PIK3R3: variants seen among roughly 807,000 people sequenced by gnomAD.
PIK3R3 encodes the protein phosphatidylinositol 3-kinase regulatory subunit gamma.
Under a neutral mutation model 62.9 loss-of-function variants are expected in PIK3R3, and 64 were observed. The observed-to-expected ratio is 1.02, with a 90% CI of 0.83 to 1.25. The LOEUF is 1.25. Among genes scored for constraint, PIK3R3 ranks in the 50% most tolerant of loss-of-function variants. The pLI is 0.00. For synonymous variants in PIK3R3, 165 were observed against 189.0 expected (o/e 0.87, Z 1.04); for missense variants, 614 against 561.6 (o/e 1.09, Z -0.94).
intron 3 of PIK3R3, among the ~76,000 whole-genome samples, chr1:46,068,576 C>T (rs1649212375): frequency 6.6e-6 from 1 of 152,186 alleles, no homozygotes; most frequent in African/African-American, 2.4e-5. Flanking sequence ...ATTGTTTGTA[C>T]TGCTCAAGGA....
chr1:46,171,554 G>C, the PIK3R3 span, among the ~76,000 whole-genome samples: 11 of 152,254 alleles, frequency 7.2e-5, no homozygotes, highest in South Asian at 2.3e-3. Context: ...TGGGGTGACC[G>C]GTATTGCATT....
intron 1 of PIK3R3, among the ~76,000 whole-genome samples, chr1:46,083,028 G>A (rs964475843): frequency 8.5e-5 from 13 of 152,118 alleles, no homozygotes; most frequent in Admixed American, 2.6e-4. Flanking sequence ...GCAGTGAGCC[G>A]AGATTGCACC....
intron 5 of PIK3R3, among the ~76,000 whole-genome samples, 174 bp downstream of exon 5, chr1:46,065,880 T>A (rs2149395870): frequency 6.6e-6 from 1 of 152,344 alleles, no homozygotes; most frequent in South Asian, 2.1e-4. Context: ...CTGATACAAA[T>A]TATATCCTTA....
the PIK3R3 span, among the ~76,000 whole-genome samples, chr1:46,174,069 T>C: frequency 6.6e-6 from 1 of 152,162 alleles, no homozygotes. Context: ...CTGTGTTCAT[T>C]TAGAGGCATG....
intron 1 of PIK3R3, among the ~76,000 whole-genome samples, chr1:46,114,293 T>TA (rs1653987736): frequency 6.6e-6 from 1 of 152,132 alleles, no homozygotes; most frequent in South Asian, 2.1e-4. Context: ...AGTTCTTACC[T>TA]AAATAAGAGG....
chr1:46,139,348 C>T, the PIK3R3 span, among the ~76,000 whole-genome samples: 3 of 152,002 alleles, frequency 2.0e-5, no homozygotes, highest in South Asian at 6.2e-4. Flanking sequence ...TCTTGCTGCC[C>T]AGGCTGGAGT....
chr1:46,084,798 A>G (rs1039035528), intron 1 of PIK3R3, among the ~76,000 whole-genome samples: 6 of 152,250 alleles, frequency 3.9e-5, no homozygotes, highest in African/African-American at 1.4e-4. Flanking sequence ...ACAGAAACCC[A>G]GCAAAAGGGA....
At position 46,066,990 on chromosome 1, in the gene PIK3R3, T is replaced by G; in HGVS notation, c.416A>C (p.His139Pro). 6.2e-7 allele frequency: 1 copy of G among 1,610,506 alleles called. No individual in the cohort carries two copies. The highest frequency in any genetic ancestry group is 1.3e-5 in the African/African-American group (1 of 74,624). Residue 139 changes from histidine to proline, a missense_variant, in exon 4 of 10, where the codon CAC becomes CCC. His to Pro is a moderately conservative substitution (Grantham distance 77, BLOSUM62 -2). Coordinates refer to ENST00000262741, the MANE Select transcript of PIK3R3 (RefSeq NM_003629.4). Reference sequence around the variant, plus strand: ...CTGAGCAAGAGATTCATGGTGATAGTGGTTAATGAGCTCCACCACGGAATT... The same window carrying G: ...CTGAGCAAGAGATTCATGGTGATAGGGGTTAATGAGCTCCACCACGGAATT... Reference protein sequence around the residue: ...TFNSVVELINHYHHESLAQYN... With the variant: ...TFNSVVELINPYHHESLAQYN...
chr1:46,065,546 T>C (rs1648909861), intron 5 of PIK3R3, among the ~76,000 whole-genome samples: 1 of 152,220 alleles, frequency 6.6e-6, no homozygotes, highest in African/African-American at 2.4e-5. Flanking sequence ...TAGCTAGGTA[T>C]GCCCATGTGA....
intron 3 of PIK3R3, among the ~76,000 whole-genome samples, chr1:46,075,600 A>G (rs1003842189): frequency 2.6e-5 from 4 of 151,804 alleles, no homozygotes; most frequent in African/African-American, 7.3e-5. Context: ...CCAGCCTAGG[A>G]GACAGAGCAA....
the PIK3R3 span, among the ~76,000 whole-genome samples, chr1:46,153,170 T>C: frequency 6.6e-6 from 1 of 152,202 alleles, no homozygotes; most frequent in Non-Finnish European, 1.5e-5. Context: ...TTCAAAATAA[T>C]TCAAAATATA....
chr1:46,097,974 C>T (rs961276688), intron 1 of PIK3R3, among the ~76,000 whole-genome samples: 5 of 150,722 alleles, frequency 3.3e-5, no homozygotes, highest in African/African-American at 7.3e-5. Context: ...AGGAAAATGA[C>T]GATCTCTATT....
At chr1:46,084,990 A>G (rs1238187777) in intron 1 of PIK3R3, among the ~76,000 whole-genome samples, 3 of 152,136 alleles carry the variant, frequency 2.0e-5, no homozygotes, top group Non-Finnish European at 4.4e-5. Flanking sequence ...CTATATTGAG[A>G]TGAGTTGAGC....
chr1:46,096,986 CAA>C (rs889318751), intron 1 of PIK3R3, among the ~76,000 whole-genome samples: 2 of 132,750 alleles, frequency 1.5e-5, no homozygotes, highest in Non-Finnish European at 1.7e-5. Context: ...AGAAAACAAA[CAA>C]AAAAAAAAAA....
At chr1:46,059,038 T>C (rs1648217943) in intron 6 of PIK3R3, among the ~76,000 whole-genome samples, 1 of 152,214 alleles carries the variant, frequency 6.6e-6, no homozygotes, top group Non-Finnish European at 1.5e-5. Context: ...ATGGAGGCGG[T>C]TTCCCCACTA....
rs561018531 is a variant in PIK3R3, at chr1:46,055,543, A to AGCCAGCCTC, written c.941+243_941+251dup. On this transcript the variant is annotated intron_variant, in intron 7 of 9. Transcript: ENST00000262741. ...AGATATAGCATTTTACTCATGCCACAGCCAGCCTCTGAGATTTCCAAGGCA... is the reference window on the plus strand; with the variant it reads ...AGATATAGCATTTTACTCATGCCACAGCCAGCCTCGCCAGCCTCTGAGATTTCCAAGGCA... Among the ~76,000 whole-genome samples the AGCCAGCCTC allele has an allele frequency of 1.8e-4, 27 of 152,354 alleles. No individual in the cohort carries two copies. In the South Asian group the frequency reaches 5.4e-3, roughly 30 times the overall value.
intron 1 of PIK3R3, among the ~76,000 whole-genome samples, chr1:46,120,255 C>T (rs1195166756): frequency 6.6e-6 from 1 of 152,188 alleles, no homozygotes; most frequent in Non-Finnish European, 1.5e-5. Flanking sequence ...TAACTCAATA[C>T]TATGTGACCC....
At chr1:46,158,704 G>GAGA in the PIK3R3 span, among the ~76,000 whole-genome samples, 1 of 152,192 alleles carries the variant, frequency 6.6e-6, no homozygotes, top group South Asian at 2.1e-4. Context: ...TCATGAGTCA[G>GAGA]AGAAACAGAA....
At chr1:46,102,841 A>G (rs915375070) in intron 1 of PIK3R3, among the ~76,000 whole-genome samples, 1 of 148,154 alleles carries the variant, frequency 6.7e-6, no homozygotes, top group South Asian at 2.2e-4. Flanking sequence ...ACCTGAAAGC[A>G]GAGTCTCAAA....
Sources: allele counts gnomAD v4.1 joint callset (sites outside exome capture counted in the v4.1 genomes callset), GRCh38; gene constraint gnomAD v4.1.1; transcripts MANE v1.5; gene names NCBI Gene and HGNC (gene_info 2026-07-23, HGNC 2026-07-21).